SALL1: variants seen among roughly 807,000 people sequenced by gnomAD.
SALL1 encodes sal-like protein 1.
Under a neutral mutation model 73.1 loss-of-function variants are expected in SALL1, and 10 were observed. The ratio of observed to expected loss-of-function variants is 0.14; its 90% confidence interval spans 0.08 to 0.23. The LOEUF (loss-of-function observed/expected upper bound fraction) is 0.23, where lower values mean the gene tolerates loss of function less well. Among genes scored for constraint, SALL1 ranks in the 10% least tolerant of loss-of-function variants. The pLI, the probability that SALL1 is intolerant of heterozygous loss-of-function variation, is 1.00. For missense variants in SALL1, 1,520 were observed against 1,697.3 expected (o/e 0.90, Z 1.84); for synonymous variants, 688 against 689.8 (o/e 1.00, Z 0.04).
Position 51,139,517 on chromosome 16 carries a change from G to A in SALL1, c.2705C>T (p.Ser902Leu). 2 of 1,614,216 alleles carry A rather than the reference G, an allele frequency of 1.2e-6. No homozygotes were observed. Among genetic ancestry groups the A allele is most frequent in the Non-Finnish European group, 8.5e-7 (1 of 1,180,036 alleles). Residue 902 changes from serine to leucine, a missense_variant, in exon 2 of 3, where the codon TCA becomes TTA. Around this residue, in one of 7 missense-constraint regions of SALL1, gnomAD observed 266 missense variants for 275.1 expected, o/e 0.97. Coordinates refer to ENST00000251020, the MANE Select transcript of SALL1 (RefSeq NM_002968.3). ...SIEGDVLTNDSSSVGGDMESQ... is the reference protein window; with the variant it reads ...SIEGDVLTNDLSSVGGDMESQ... Reference sequence around the variant, plus strand: ...TTCCATGTCACCACCCACTGAGGATGAATCATTGGTCAGGACATCCCCCTC... The same window carrying A: ...TTCCATGTCACCACCCACTGAGGATAAATCATTGGTCAGGACATCCCCCTC...
At chr16:51,137,808 A>T (rs147254442) in intron 2 of SALL1, among the ~76,000 whole-genome samples, 1 of 152,178 alleles carries the variant, frequency 6.6e-6, no homozygotes, top group East Asian at 1.9e-4. Flanking sequence ...AGGATGCCTT[A>T]CTTACTCTTT....
At position 51,138,441 on chromosome 16, in the gene SALL1, T is replaced by C. The variant is rs1325813057; in HGVS notation, c.3534+247A>G. On this transcript the variant is annotated intron_variant, in intron 2 of 2. Transcript: ENST00000251020. ...GAGAGAGGCCGCTGCTTCGCTTAGG[T>C]ACCAAATTATTCAATGTGCACTGAC... is the stretch of plus-strand genomic sequence containing the variant. 2.0e-5 allele frequency among the ~76,000 whole-genome samples: 3 copies of C among 152,232 alleles called. No individual in the cohort carries two copies. The East Asian group carries it at 5.8e-4, about 30-fold the overall frequency.
At chr16:51,150,621 C>T in intron 1 of SALL1, 1 of 978,898 alleles carries the variant, frequency 1.0e-6, no homozygotes, top group South Asian at 4.7e-5. Context: ...CCTCGCAGGC[C>T]GAGGGGGAGT....
At position 51,140,656 on chromosome 16, in the gene SALL1, C is replaced by T. The variant is rs758422495; in HGVS notation, c.1566G>A (p.Thr522=). 2.2e-5 allele frequency: 36 copies of T among 1,613,976 alleles called. No individual in the cohort carries two copies. In the African/African-American group the frequency reaches 2.5e-4, roughly 11 times the overall value. The change falls in exon 2 of 3, where the codon ACG becomes ACA. Residue 522 remains threonine, a synonymous_variant. Transcript: ENST00000251020. The surrounding 1 kb of genome is among the most constrained non-coding windows in gnomAD (Gnocchi z 5.7). ...PVPEHLDNIP[T]STGIPYGMSI... ...ACATGCCATATGGGATGCCAGTACT[C>T]GTGGGGATATTGTCCAAATGCTCAG...
intron 1 of SALL1, chr16:51,150,773 T>TA (rs931753261): frequency 4.8e-6 from 1 of 207,678 alleles, no homozygotes; most frequent in African/African-American, 2.3e-5. Flanking sequence ...CCGGGAGCGC[T>TA]AGGGGCCCCG....
intron 1 of SALL1, among the ~76,000 whole-genome samples, chr16:51,144,299 A>G (rs183556153): frequency 4.5e-4 from 69 of 152,306 alleles, no homozygotes; most frequent in Non-Finnish European, 7.9e-4. Context: ...CCAATTATGA[A>G]GGAACAAAAG....
chr16:51,141,795 T>C lies in SALL1; in HGVS notation c.427A>G (p.Ser143Gly). 5 of 1,613,596 alleles carry C rather than the reference T, an allele frequency of 3.1e-6. No homozygotes were observed. The highest frequency in any genetic ancestry group is 4.2e-6 in the Non-Finnish European group (5 of 1,179,842). The part of the protein sequence containing the change: ...NKSGSGTSSG[S>G]HSSTAPSSSS... ...CTGCTTGGGGCGGTACTGCTGTGGC[T>C]GCCGCTGGAAGTGCCGCTGCCGCTT... The change falls in exon 2 of 3, where the codon AGC becomes GGC. Residue 143 changes from serine (S) to glycine (G), a missense_variant. Physicochemically the swap from Ser to Gly is moderately conservative, Grantham distance 56 (BLOSUM62 0). Coordinates refer to ENST00000251020, the MANE Select transcript of SALL1 (RefSeq NM_002968.3). This position sits in a 1 kb window ranked among gnomAD's most constrained non-coding sequence, Gnocchi z 5.4.
At chr16:51,151,839 G>A (rs1306007651), upstream of SALL1, among the ~76,000 whole-genome samples, 3 of 151,332 alleles carry the variant, frequency 2.0e-5, no homozygotes, top group Non-Finnish European at 4.4e-5. Flanking sequence ...GGGCGGCGAG[G>A]GCTGGGGACC....
chr16:51,141,168 A>T lies in SALL1; in HGVS notation c.1054T>A (p.Ser352Thr). ...GCACTTGAAGCCACTTTTTCAGAGG[A>T]CGGGGTGGTAACTGCCGCTGCCAAT... ...NILAAAVTTP[S>T]SEKVASSAGA... The change falls in exon 2 of 3, where the codon TCC (serine) becomes ACC (threonine). Residue 352 changes from serine (S) to threonine (T), a missense_variant. Ser to Thr is a moderately conservative substitution (Grantham distance 58). This residue lies in a region of SALL1 where 540 missense variants were observed against 567.5 expected (regional missense o/e 0.95). Transcript: ENST00000251020. The surrounding 1 kb of genome is among the most constrained non-coding windows in gnomAD (Gnocchi z 5.4). 5.0e-6 allele frequency: 8 copies of T among 1,614,160 alleles called. No homozygotes were observed. Among genetic ancestry groups the T allele is most frequent in the Non-Finnish European group, 6.8e-6 (8 of 1,180,032 alleles).
At chr16:51,151,687 G>T (rs1159274368), upstream of SALL1, among the ~76,000 whole-genome samples, 2 of 151,034 alleles carry the variant, frequency 1.3e-5, no homozygotes, top group African/African-American at 2.4e-5. Flanking sequence ...CGGGCCCGGC[G>T]CCCCGGCAGG....
In SALL1 at chr16:51,138,810, T is replaced by C; in HGVS notation, c.3412A>G (p.Thr1138Ala). The C allele has an allele frequency of 1.2e-6, 2 of 1,614,210 alleles. No homozygotes were observed. The highest frequency in any genetic ancestry group is 1.7e-6 in the Non-Finnish European group (2 of 1,180,040). ...RRTPKQHYCN[T>A]CGKTFSSSSA... ...GATGAGGAGAAGGTTTTGCCACATG[T>C]GTTGCAGTAGTGCTGCTTGGGAGTT... The change falls in exon 2 of 3, where the codon ACA becomes GCA. Residue 1138 changes from threonine (T) to alanine (A), a missense_variant. Thr to Ala is a moderately conservative substitution (Grantham distance 58, BLOSUM62 0). Around this residue, in one of 7 missense-constraint regions of SALL1, gnomAD observed 318 missense variants for 357.1 expected, o/e 0.89. Transcript: ENST00000251020.
At chr16:51,151,045 A>T (rs562086824) in intron 1 of SALL1, 121 bp downstream of exon 1, 1 of 541,224 alleles carries the variant, frequency 1.8e-6, no homozygotes, top group South Asian at 3.7e-5. Context: ...TGGAAGAAGC[A>T]ATCGGGGCCG....
At chr16:51,138,260 A>G (rs974083485) in intron 2 of SALL1, among the ~76,000 whole-genome samples, 1 of 152,218 alleles carries the variant, frequency 6.6e-6, no homozygotes, top group African/African-American at 2.4e-5. Context: ...TGGACTGCAT[A>G]GTTATGAAAA....
intron 1 of SALL1, among the ~76,000 whole-genome samples, chr16:51,147,119 C>G (rs1962528690): frequency 6.6e-6 from 1 of 152,110 alleles, no homozygotes; most frequent in Admixed American, 6.5e-5. Flanking sequence ...TTGCTACCTC[C>G]AAAAGTATAA....
At position 51,151,251 on chromosome 16, in the gene SALL1, A is replaced by T; in HGVS notation, c.-10T>A. ...GCTTCCTCCGCGACATGCTGGCTCA[A>T]ACATCAGCTGGGGCAGAATAAAAAA... On this transcript the variant is annotated 5_prime_UTR_variant, in exon 1 of 3. In the 5' UTR this introduces an upstream ATG that the reference lacks. Transcript: ENST00000251020. The T allele has an allele frequency of 6.3e-7, 1 of 1,592,442 alleles. No homozygotes were observed.
In SALL1 at chr16:51,141,873, T is replaced by A. The variant is rs755495124; in HGVS notation, c.349A>T (p.Asn117Tyr). 3.7e-5 allele frequency: 59 copies of A among 1,613,926 alleles called. No homozygotes were observed. Among genetic ancestry groups the A allele is most frequent in the Non-Finnish European group, 4.8e-5 (57 of 1,180,022 alleles). ...ATGGACTCTTCCCTGTCAAGTCCGT[T>A]GTGTTCTGAAAGGTCGCTGCAGTCC... ...QVDCSDLSEH[N>Y]GLDREESMEV... The change falls in exon 2 of 3, where the codon AAC becomes TAC. Residue 117 changes from asparagine (N) to tyrosine (Y), a missense_variant. Asn to Tyr is a moderately radical substitution (Grantham distance 143). Coordinates refer to ENST00000251020, the MANE Select transcript of SALL1 (RefSeq NM_002968.3). This position sits in a 1 kb window ranked among gnomAD's most constrained non-coding sequence, Gnocchi z 5.4.
At chr16:51,142,779 C>T (rs527632638) in intron 1 of SALL1, among the ~76,000 whole-genome samples, 1 of 152,180 alleles carries the variant, frequency 6.6e-6, no homozygotes, top group Non-Finnish European at 1.5e-5. Context: ...TCAAAACTCA[C>T]TTGAACACAA....
chr16:51,148,412 G>T (rs1303258049), intron 1 of SALL1, among the ~76,000 whole-genome samples: 4 of 152,152 alleles, frequency 2.6e-5, no homozygotes, highest in African/African-American at 9.7e-5. Context: ...ATTTAATTTG[G>T]TATGTTTCAT....
chr16:51,143,308 A>G (rs751033400), intron 1 of SALL1: 6 of 400,958 alleles, frequency 1.5e-5, no homozygotes, highest in East Asian at 7.7e-5. Context: ...TCTAACTCCA[A>G]GCTAACATCC....
Sources: allele counts gnomAD v4.1 joint callset (sites outside exome capture counted in the v4.1 genomes callset), GRCh38; gene constraint gnomAD v4.1.1; regional missense constraint gnomAD v4.1.1; non-coding constraint Gnocchi (gnomAD v3.1); transcripts MANE v1.5; gene names NCBI Gene and HGNC (gene_info 2026-07-23, HGNC 2026-07-21).